The following AJM1 variants were observed in gnomAD, a reference collection of about 807,000 sequenced individuals.
AJM1 encodes apical junction component 1 homolog, also known as uncharacterized protein C9orf172.
AJM1 carries 22 observed loss-of-function variants against 43.0 expected under a neutral mutation model. The ratio of observed to expected loss-of-function variants is 0.51; its 90% CI spans 0.37 to 0.73. AJM1 has a LOEUF of 0.73. AJM1 is among the 30% of genes least tolerant of loss of function. The pLI is 0.00. For synonymous variants in AJM1, 719 were observed against 638.3 expected, an observed-to-expected ratio of 1.13 and a Z score of -1.91; for missense variants, 1,305 against 1,343.3, an observed-to-expected ratio of 0.97 and a Z score of 0.45.
Position 136,845,274 on chromosome 9 carries a change from C to A in AJM1, c.860C>A (p.Pro287His). 1 of 1,608,622 alleles carries A rather than the reference C, an allele frequency of 6.2e-7. No individual in the cohort carries two copies. The highest frequency in any genetic ancestry group is 8.5e-7 in the Non-Finnish European group (1 of 1,179,556). The change falls in exon 3 of 3, where the codon CCC becomes CAC. Residue 287 changes from proline to histidine, a missense_variant. Transcript: ENST00000436881. ...GPTQFFYTEE[P>H]QGFRGSFAAS... ...ACCCAGTTCTTCTATACAGAGGAGC[C>A]CCAAGGCTTCCGGGGCAGCTTTGCA...
In AJM1 at chr9:136,848,153, G is replaced by C. The variant is rs558859458; in HGVS notation, c.*808G>C. On this transcript the variant is annotated 3_prime_UTR_variant, in exon 3 of 3. Transcript: ENST00000436881. The stretch of plus-strand genomic sequence containing the variant: ...GATATGCAAGTCTCCCAGCCGAAGG[G>C]GCAGGGGACCTGAACAGGGGAAGCA... 2 of 152,534 alleles carry C rather than the reference G, an allele frequency of 1.3e-5. No homozygotes were observed. The highest frequency in any genetic ancestry group is 1.3e-4 in the Admixed American group (2 of 15,292). 9.4% of individuals were successfully genotyped at this position (152,534 alleles called of 1,614,324 possible).
chr9:136,846,618 C>A lies in AJM1; in HGVS notation c.2204C>A (p.Ala735Asp). Residue 735 changes from alanine to aspartate, a missense_variant, in exon 3 of 3, where the codon GCT becomes GAT. Ala to Asp is a moderately radical substitution (Grantham distance 126, BLOSUM62 -2). Coordinates refer to ENST00000436881, the MANE Select transcript of AJM1 (RefSeq NM_001080482.5). Reference sequence around the variant, plus strand: ...CGCGACAGCGGCCCGGTGCACCGCGCTTTCTCGCGCATCGCGCGTGTCGGC... The same window carrying A: ...CGCGACAGCGGCCCGGTGCACCGCGATTTCTCGCGCATCGCGCGTGTCGGC... ...FCRDSGPVHR[A>D]FSRIARVGFL... The A allele has an allele frequency of 5.0e-6, 8 of 1,594,420 alleles. No individual in the cohort carries two copies. Among genetic ancestry groups the A allele is most frequent in the Non-Finnish European group, 6.8e-6 (8 of 1,176,246 alleles).
intron 1 of AJM1, among the ~76,000 whole-genome samples, chr9:136,843,662 T>G (rs1848731701): frequency 6.6e-6 from 1 of 152,190 alleles, no homozygotes; most frequent in South Asian, 2.1e-4. Context: ...GTATGCTCTC[T>G]GGGGGCATTT....
At chr9:136,843,393 G>C (rs1452653245) in intron 1 of AJM1, among the ~76,000 whole-genome samples, 2 of 152,252 alleles carry the variant, frequency 1.3e-5, no homozygotes, top group Non-Finnish European at 2.9e-5. Flanking sequence ...GAGCGAAATG[G>C]GGAGGGCCCT....
Position 136,846,434 on chromosome 9 carries a change from G to C in AJM1, c.2020G>C (p.Glu674Gln). Residue 674 changes from glutamate (E) to glutamine (Q), a missense_variant, in exon 3 of 3, where the codon GAG becomes CAG. This residue lies in a region of AJM1 where 391 missense variants were observed against 507.5 expected (regional missense o/e 0.77). Transcript: ENST00000436881. The part of the protein sequence containing the change: ...TCSNARCRRT[E>Q]TMFNACLYFK... Reference sequence around the variant, plus strand: ...CTCCAATGCGCGCTGCCGGCGCACCGAGACCATGTTCAACGCCTGCCTCTA... The same window carrying C: ...CTCCAATGCGCGCTGCCGGCGCACCCAGACCATGTTCAACGCCTGCCTCTA... 2 of 1,592,744 alleles carry C rather than the reference G, an allele frequency of 1.3e-6. No individual in the cohort carries two copies.
rs1180057033 is a variant in AJM1, at chr9:136,846,918, C to T, written c.2504C>T (p.Pro835Leu). 2 of 1,454,166 alleles carry T rather than the reference C, an allele frequency of 1.4e-6. No homozygotes were observed. The highest frequency in any genetic ancestry group is 1.8e-6 in the Non-Finnish European group (2 of 1,106,278). The allele number at this position is 1,454,166 out of a possible 1,614,324, so 90.1% of individuals were successfully genotyped here. ...APPGTPALPA[P>L]APRSHGPTVR... ...CCGGGGACACCGGCCCTGCCCGCGC[C>T]CGCGCCACGCAGCCACGGGCCAACA... The change falls in exon 3 of 3, where the codon CCC becomes CTC. Residue 835 changes from proline to leucine, a missense_variant. By Grantham distance (98) the Pro-to-Leu change is moderately conservative. Transcript: ENST00000436881.
At position 136,844,968 on chromosome 9, in the gene AJM1, G is replaced by A; in HGVS notation, c.554G>A (p.Arg185His). The A allele has an allele frequency of 7.5e-6, 4 of 533,802 alleles. No individual in the cohort carries two copies. Among genetic ancestry groups the A allele is most frequent in the Non-Finnish European group, 3.2e-6 (1 of 308,562 alleles). The allele number at this position is 533,802 out of a possible 1,614,324, so 33.1% of individuals were successfully genotyped here. The change falls in exon 3 of 3, where the codon CGC becomes CAC. Residue 185 changes from arginine to histidine, a missense_variant. Arg to His is a conservative substitution (Grantham distance 29). Transcript: ENST00000436881. ...EPPAGPAPHV[R>H]CRLDIKPDDA... ...CCCGCGGGTCCCGCCCCCCACGTGCGCTGCCGCCTGGACATCAAGCCAGAC... is the reference window on the plus strand; with the variant it reads ...CCCGCGGGTCCCGCCCCCCACGTGCACTGCCGCCTGGACATCAAGCCAGAC...
chr9:136,844,317 G>A, intron 2 of AJM1, 38 bp downstream of exon 2: 6 of 1,002,336 alleles, frequency 6.0e-6, no homozygotes, highest in South Asian at 1.4e-5. Flanking sequence ...CGGGGCCTGG[G>A]CTGCGGAGGG....
rs1164393283 is a variant in AJM1 at position 136,846,933 on chromosome 9, A to G, written c.2519A>G (p.His840Arg). ...CTGCCCGCGCCCGCGCCACGCAGCCACGGGCCAACAGTGCGCAAGTTCGCC... is the reference window on the plus strand; with the variant it reads ...CTGCCCGCGCCCGCGCCACGCAGCCGCGGGCCAACAGTGCGCAAGTTCGCC... ...PALPAPAPRS[H>R]GPTVRKFAKV... The change falls in exon 3 of 3, where the codon CAC (histidine) becomes CGC (arginine). Residue 840 changes from histidine (H) to arginine (R), a missense_variant. Physicochemically the swap from His to Arg is conservative, Grantham distance 29. Around this residue, in one of 6 missense-constraint regions of AJM1, gnomAD observed 391 missense variants for 507.5 expected, o/e 0.77. Transcript: ENST00000436881. 1 of 1,423,020 alleles carries G rather than the reference A, an allele frequency of 7.0e-7. No homozygotes were observed. The highest frequency in any genetic ancestry group is 2.7e-5 in the Admixed American group (1 of 36,850). 88.1% of individuals were successfully genotyped at this position (1,423,020 alleles called of 1,614,324 possible). A position where few individuals can be genotyped will look rare whatever the true frequency, so the allele number is the denominator to read the frequency against.
In AJM1 at chr9:136,847,510, G is replaced by A. The variant is rs888101218; in HGVS notation, c.*165G>A. On this transcript the variant is annotated 3_prime_UTR_variant, in exon 3 of 3. Transcript: ENST00000436881. ...TCCCCAGCCTTCCAAGCTCCGCTCA[G>A]TTCGGCCTCCAGCTCCGCCCAGGCC... 1.9e-4 allele frequency: 111 copies of A among 569,932 alleles called. No individual in the cohort carries two copies. Among genetic ancestry groups the A allele is most frequent in the Non-Finnish European group, 3.0e-4 (105 of 348,922 alleles). The allele number at this position is 569,932 out of a possible 1,614,324, so 35.3% of individuals were successfully genotyped here. A position where few individuals can be genotyped will look rare whatever the true frequency, so the allele number is the denominator to read the frequency against.
chr9:136,844,152 G>A (rs1263036422), intron 1 of AJM1, among the ~76,000 whole-genome samples, 44 bp from the exon 2 acceptor site: 1 of 152,206 alleles, frequency 6.6e-6, no homozygotes, highest in Admixed American at 6.5e-5. Context: ...GAGGACGGGG[G>A]GACGGGCAGG....
Position 136,847,360 on chromosome 9 carries a change from C to T in AJM1, c.*15C>T, listed in dbSNP as rs967269037. 93 of 1,490,796 alleles carry T rather than the reference C, an allele frequency of 6.2e-5. No individual in the cohort carries two copies. Among genetic ancestry groups the T allele is most frequent in the Non-Finnish European group, 7.8e-5 (87 of 1,121,934 alleles). The allele number at this position is 1,490,796 out of a possible 1,614,324, so 92.3% of individuals were successfully genotyped here. A position where few individuals can be genotyped will look rare whatever the true frequency, so the allele number is the denominator to read the frequency against. On this transcript the variant is annotated 3_prime_UTR_variant, in exon 3 of 3. Transcript: ENST00000436881. Reference sequence around the variant, plus strand: ...ACATCATGTGAGGCGCCGGGCCCACCAGGCCTAGCCCAGGCGCTGGCCCGA... The same window carrying T: ...ACATCATGTGAGGCGCCGGGCCCACTAGGCCTAGCCCAGGCGCTGGCCCGA...
chr9:136,846,909 TGCCCGC>T lies in AJM1; in HGVS notation c.2505_2510del (p.Ala836_Pro837del), dbSNP rs772797769. 112 of 1,471,096 alleles carry T rather than the reference TGCCCGC, an allele frequency of 7.6e-5. No individual in the cohort carries two copies. The highest frequency in any genetic ancestry group is 1.5e-4 in the African/African-American group (10 of 67,532). The allele number at this position is 1,471,096 out of a possible 1,614,324, so 91.1% of individuals were successfully genotyped here. ...ACCGCGCCACCGGGGACACCGGCCC[TGCCCGC>T]GCCCGCGCCACGCAGCCACGGGCCA... On this transcript the variant is annotated inframe_deletion, in exon 3 of 3. Coordinates refer to ENST00000436881, the MANE Select transcript of AJM1 (RefSeq NM_001080482.5).
In AJM1 at chr9:136,847,403, C is replaced by T; in HGVS notation, c.*58C>T. 5.2e-6 allele frequency: 7 copies of T among 1,340,526 alleles called. No individual in the cohort carries two copies. The highest frequency in any genetic ancestry group is 6.8e-6 in the Non-Finnish European group (7 of 1,032,680). The allele number at this position is 1,340,526 out of a possible 1,614,324, so 83.0% of individuals were successfully genotyped here. A position where few individuals can be genotyped will look rare whatever the true frequency, so the allele number is the denominator to read the frequency against. On this transcript the variant is annotated 3_prime_UTR_variant, in exon 3 of 3. Coordinates refer to ENST00000436881, the MANE Select transcript of AJM1 (RefSeq NM_001080482.5). ...TGGCCCGAACCCTGCCCTGCCCACT[C>T]AGGCCCCGCCCGGCCCACCCAGGGC... is the stretch of plus-strand genomic sequence containing the variant.
rs1325390224 is a variant in AJM1, at chr9:136,845,408, C to A, written c.994C>A (p.Arg332Ser). Residue 332 changes from arginine to serine, a missense_variant, in exon 3 of 3, where the codon CGC becomes AGC. Physicochemically the swap from Arg to Ser is moderately radical, Grantham distance 110 (BLOSUM62 -1). Coordinates refer to ENST00000436881, the MANE Select transcript of AJM1 (RefSeq NM_001080482.5). The part of the protein sequence containing the change: ...RMGGYYAGEV[R>S]TFPIQEPPSR... ...GGGCGGCTACTACGCAGGAGAGGTGCGCACCTTCCCAATCCAGGAACCGCC... is the reference window on the plus strand; with the variant it reads ...GGGCGGCTACTACGCAGGAGAGGTGAGCACCTTCCCAATCCAGGAACCGCC... The A allele has an allele frequency of 1.2e-6, 2 of 1,612,390 alleles. No homozygotes were observed. Among genetic ancestry groups the A allele is most frequent in the East Asian group, 2.2e-5 (1 of 44,866 alleles).
In AJM1 at chr9:136,846,326, A is replaced by C. The variant is rs1848774219; in HGVS notation, c.1912A>C (p.Ser638Arg). Reference sequence around the variant, plus strand: ...ACGCTCGCCCCCCGCCTCGGCCGGCAGCGCCGAGGAGCCCGCGGCCCCGGG... The same window carrying C: ...ACGCTCGCCCCCCGCCTCGGCCGGCCGCGCCGAGGAGCCCGCGGCCCCGGG... ...PPRSPPASAGSAEEPAAPGEA... is the reference protein window; with the variant it reads ...PPRSPPASAGRAEEPAAPGEA... The change falls in exon 3 of 3, where the codon AGC becomes CGC. Residue 638 changes from serine (S) to arginine (R), a missense_variant. Transcript: ENST00000436881. 8.2e-7 allele frequency: 1 copy of C among 1,219,932 alleles called. No individual in the cohort carries two copies. The highest frequency in any genetic ancestry group is 1.0e-6 in the Non-Finnish European group (1 of 967,420). The allele number at this position is 1,219,932 out of a possible 1,614,324, so 75.6% of individuals were successfully genotyped here.
At position 136,846,714 on chromosome 9, in the gene AJM1, G is replaced by T. The variant is rs1176234491; in HGVS notation, c.2300G>T (p.Arg767Leu). ...CCAGGCTCGGCCGACAACTTCCTGC[G>T]CTTTGGCCTGGAGGGGCTGCTGCTA... is the stretch of plus-strand genomic sequence containing the variant. ...PSPGSADNFL[R>L]FGLEGLLLSP... The change falls in exon 3 of 3, where the codon CGC becomes CTC. Residue 767 changes from arginine (R) to leucine (L), a missense_variant. Coordinates refer to ENST00000436881, the MANE Select transcript of AJM1 (RefSeq NM_001080482.5). The T allele has an allele frequency of 6.2e-7, 1 of 1,604,430 alleles. No individual in the cohort carries two copies. The highest frequency in any genetic ancestry group is 8.5e-7 in the Non-Finnish European group (1 of 1,178,724).
In AJM1 at chr9:136,847,117, C is replaced by T. The variant is rs749364488; in HGVS notation, c.2703C>T (p.His901=). The change falls in exon 3 of 3, where the codon CAC becomes CAT. Residue 901 remains histidine (H), a synonymous_variant. Transcript: ENST00000436881. ...GRRAREVAFI[H]IQRELRLRGV... Reference sequence around the variant, plus strand: ...GCGCGCGCGAGGTGGCCTTCATCCACATCCAGCGCGAGCTGCGGCTGCGCG... The same window carrying T: ...GCGCGCGCGAGGTGGCCTTCATCCATATCCAGCGCGAGCTGCGGCTGCGCG... 43 of 1,582,318 alleles carry T rather than the reference C, an allele frequency of 2.7e-5. No individual in the cohort carries two copies. Among genetic ancestry groups the T allele is most frequent in the Non-Finnish European group, 3.3e-5 (39 of 1,171,620 alleles).
rs748225771 is a variant in AJM1, at chr9:136,847,318, C to T, written c.2904C>T (p.Ser968=). 119 of 1,531,778 alleles carry T rather than the reference C, an allele frequency of 7.8e-5. No individual in the cohort carries two copies. Among genetic ancestry groups the T allele is most frequent in the Non-Finnish European group, 9.4e-5 (107 of 1,143,524 alleles). The allele number at this position is 1,531,778 out of a possible 1,614,324, so 94.9% of individuals were successfully genotyped here. ...SEPRALDWVA[S]ANLLDDIM is the part of the protein sequence containing the mutation. ...CGCGCGCGCTCGACTGGGTGGCCAG[C>T]GCCAACCTGCTGGACGACATCATGT... Residue 968 remains serine, a synonymous_variant, in exon 3 of 3, where the codon AGC becomes AGT. Transcript: ENST00000436881.
Sources: allele counts gnomAD v4.1 joint callset (sites outside exome capture counted in the v4.1 genomes callset), GRCh38; gene constraint gnomAD v4.1.1; regional missense constraint gnomAD v4.1.1; transcripts MANE v1.5; gene names NCBI Gene and HGNC (gene_info 2026-07-23, HGNC 2026-07-21).